The following ELMO1 variants were observed in gnomAD, a reference collection of about 807,000 sequenced individuals.
ELMO1 encodes the protein engulfment and cell motility 1.
A neutral mutation model predicts 98.9 loss-of-function variants in ELMO1; 26 were observed. That is an observed-to-expected ratio of 0.26 (90% confidence interval 0.19 to 0.36). The LOEUF is 0.36. Ranked by LOEUF, ELMO1 falls within the 10% of genes least tolerant of loss-of-function variation. The pLI is 1.00. For missense variants in ELMO1, 627 were observed against 935.2 expected (o/e 0.67, Z 4.30); for synonymous variants, 346 against 346.0 (o/e 1.00, Z 0.00).
At chr7:37,164,877 A>G (rs1789531977) in intron 13 of ELMO1, among the ~76,000 whole-genome samples, 1 of 151,362 alleles carries the variant, frequency 6.6e-6, no homozygotes, top group Non-Finnish European at 1.5e-5. Context: ...CTGTGAAGAA[A>G]GTCATTGGTA....
At chr7:37,359,366 A>G (rs548628441) in intron 1 of ELMO1, among the ~76,000 whole-genome samples, 104 of 152,332 alleles carry the variant, frequency 6.8e-4, no homozygotes, top group African/African-American at 2.4e-3. Context: ...TGGCTTTGGG[A>G]AAATTCCTCT....
intron 16 of ELMO1, among the ~76,000 whole-genome samples, chr7:36,899,142 T>C (rs553237715): frequency 7.2e-5 from 11 of 152,186 alleles, no homozygotes; most frequent in African/African-American, 2.6e-4. Flanking sequence ...ATGAGGGAGC[T>C]GCAAGGTGTG....
chr7:37,447,784 T>A (rs1805700498), intron 1 of ELMO1, among the ~76,000 whole-genome samples: 1 of 130,330 alleles, frequency 7.7e-6, no homozygotes, highest in South Asian at 2.5e-4. Flanking sequence ...CAGCACCGAC[T>A]TCCCAACCCC....
At chr7:36,965,459 A>T (rs930480196) in intron 16 of ELMO1, among the ~76,000 whole-genome samples, 4 of 152,174 alleles carry the variant, frequency 2.6e-5, no homozygotes, top group African/African-American at 7.2e-5. Context: ...GGGAGAAGAG[A>T]GGGAGGCACT....
rs139779114 is a variant in ELMO1 at position 37,284,121 on chromosome 7, T to C, written c.193-12239A>G. ...GAGATGGAGCAACAATGGTCTGGTATCTGGGAGAAGCAGAGGACTGGGAGG... is the reference window on the plus strand; with the variant it reads ...GAGATGGAGCAACAATGGTCTGGTACCTGGGAGAAGCAGAGGACTGGGAGG... On this transcript the variant is annotated intron_variant, in intron 4 of 21. Transcript: ENST00000310758. 4.5e-4 allele frequency among the ~76,000 whole-genome samples: 68 copies of C among 152,152 alleles called. No homozygotes were observed. In the East Asian group the frequency reaches 0.011, roughly 24 times the overall value.
At chr7:37,185,692 T>C (rs1791160275) in intron 13 of ELMO1, among the ~76,000 whole-genome samples, 1 of 152,232 alleles carries the variant, frequency 6.6e-6, no homozygotes, top group Non-Finnish European at 1.5e-5. Context: ...TAGGGATCAT[T>C]TATATAGGTC....
At chr7:36,910,664 G>A (rs1784280650) in intron 16 of ELMO1, among the ~76,000 whole-genome samples, 1 of 152,194 alleles carries the variant, frequency 6.6e-6, no homozygotes, top group Non-Finnish European at 1.5e-5. Context: ...CCCAATAAAT[G>A]AGAGTGTACA....
At chr7:37,413,780 C>A (rs1026952943) in intron 1 of ELMO1, among the ~76,000 whole-genome samples, 1 of 152,150 alleles carries the variant, frequency 6.6e-6, no homozygotes, top group Non-Finnish European at 1.5e-5. Context: ...TGGGTTCAAG[C>A]AATTCTTGTG....
At chr7:37,200,104 C>T (rs748244174) in intron 13 of ELMO1, among the ~76,000 whole-genome samples, 6 of 152,122 alleles carry the variant, frequency 3.9e-5, no homozygotes, top group Non-Finnish European at 7.4e-5. Flanking sequence ...GATAGGGTTT[C>T]GCTCTGTTGC....
chr7:36,932,070 C>CTTCATTCATTCA (rs113584410), intron 16 of ELMO1, among the ~76,000 whole-genome samples: 202 of 151,694 alleles, frequency 1.3e-3, no homozygotes, highest in African/African-American at 4.7e-3. Context: ...GGAGAGTTAA[C>CTTCATTCATTCA]TTCATTCATT....
chr7:37,009,061 AT>A lies in ELMO1; in HGVS notation c.1437+4237del, dbSNP rs544463818. Reference sequence around the variant, plus strand: ...ACTCTAAAGTGTATACTCTCATTACATTTTTTTTTTACAGTGGAGTAGTTAG... The same window carrying A: ...ACTCTAAAGTGTATACTCTCATTACATTTTTTTTTACAGTGGAGTAGTTAG... On this transcript the variant is annotated intron_variant, in intron 16 of 21. Transcript: ENST00000310758. Among the ~76,000 whole-genome samples the A allele has an allele frequency of 2.0e-3, 300 of 149,548 alleles. 1 individual carries two copies. The highest frequency in any genetic ancestry group is 5.4e-3 in the African/African-American group (222 of 40,894).
At position 37,038,851 on chromosome 7, in the gene ELMO1, G is replaced by C. The variant is rs567287638; in HGVS notation, c.1301-25416C>G. On this transcript the variant is annotated intron_variant, in intron 15 of 21. Transcript: ENST00000310758. ...AGCCTTCTTGCTGTTTCCTCACATG[G>C]TAGAAAGAGAGAGATGGCAAGCTCC... Among the ~76,000 whole-genome samples, 46 of 152,284 alleles carry C rather than the reference G, an allele frequency of 3.0e-4. No homozygotes were observed. In the Middle Eastern group the frequency reaches 0.024, roughly 79 times the overall value.
At chr7:37,050,206 G>A (rs1796026614) in intron 15 of ELMO1, among the ~76,000 whole-genome samples, 1 of 152,114 alleles carries the variant, frequency 6.6e-6, no homozygotes, top group African/African-American at 2.4e-5. Context: ...AACCTCCCAA[G>A]TAGCTGGGAC....
intron 15 of ELMO1, among the ~76,000 whole-genome samples, chr7:37,018,159 T>C (rs551652499): frequency 6.6e-6 from 1 of 151,190 alleles, no homozygotes; most frequent in Admixed American, 6.6e-5. Flanking sequence ...AGAGTTTTGC[T>C]CCTGTTGCCC....
At chr7:37,178,685 T>C (rs1790651771) in intron 13 of ELMO1, among the ~76,000 whole-genome samples, 1 of 152,014 alleles carries the variant, frequency 6.6e-6, no homozygotes, top group Non-Finnish European at 1.5e-5. Context: ...AGAATAAAAA[T>C]TGTAAAAGTC....
chr7:37,409,138 A>AAG (rs1803895953), intron 1 of ELMO1, among the ~76,000 whole-genome samples: 1 of 151,930 alleles, frequency 6.6e-6, no homozygotes, highest in African/African-American at 2.4e-5. Context: ...AAGTGAAAAA[A>AAG]AAAAAAAAGT....
At chr7:36,944,496 T>A (rs1787311158) in intron 16 of ELMO1, among the ~76,000 whole-genome samples, 1 of 152,226 alleles carries the variant, frequency 6.6e-6, no homozygotes, top group African/African-American at 2.4e-5. Flanking sequence ...ATATTTTCTA[T>A]CCTTCTCACA....
In ELMO1 at chr7:36,887,610, C is replaced by A. The variant is rs752263173; in HGVS notation, c.1664G>T (p.Arg555Leu). 1 of 1,614,070 alleles carries A rather than the reference C, an allele frequency of 6.2e-7. No individual in the cohort carries two copies. The highest frequency in any genetic ancestry group is 8.5e-7 in the Non-Finnish European group (1 of 1,179,952). Residue 555 changes from arginine (R) to leucine (L), a missense_variant, in exon 18 of 22, where the codon CGC (arginine) becomes CTC (leucine). This residue lies in a region of ELMO1 where 492 missense variants were observed against 715.6 expected (regional missense o/e 0.69). Transcript: ENST00000310758. ...LELIKQQRLNRLVEGTCFRKL... is the reference protein window; with the variant it reads ...LELIKQQRLNLLVEGTCFRKL... ...CCTAAAGCAGGTCCCTTCCACAAGG[C>A]GGTTCAGGCGTTGCTGTTTGATCAG...
intron 16 of ELMO1, among the ~76,000 whole-genome samples, chr7:36,964,648 CTTTTT>C (rs1447834713): frequency 6.6e-6 from 1 of 152,168 alleles, no homozygotes; most frequent in East Asian, 1.9e-4. Flanking sequence ...GCATTCTTTT[CTTTTT>C]TTGTTTTTTC....
Sources: gnomAD v4.1 joint callset for allele counts (sites outside exome capture counted in the v4.1 genomes callset) on GRCh38, gnomAD v4.1.1 for gene constraint, gnomAD v4.1.1 regional missense constraint, MANE v1.5 for transcripts, NCBI Gene and HGNC (gene_info 2026-07-23, HGNC 2026-07-21) for gene names.